Variants in DLGAP2 observed in about 807,000 individuals in gnomAD.
DLGAP2 encodes the protein DLG associated protein 2.
DLGAP2 carries 26 observed loss-of-function variants against 100.3 expected under a neutral mutation model. That is an observed-to-expected ratio of 0.26 (90% confidence interval 0.19 to 0.36). The LOEUF (loss-of-function observed/expected upper bound fraction) is 0.36. Among genes scored for constraint, DLGAP2 ranks in the 10% least tolerant of loss-of-function variants. DLGAP2 has a pLI of 1.00. For missense variants in DLGAP2, 1,858 were observed against 1,453.2 expected, an observed-to-expected ratio of 1.28 and a Z score of -4.53; for synonymous variants, 886 against 630.1, an observed-to-expected ratio of 1.41 and a Z score of -6.08.
rs868511232 is a variant in DLGAP2 at position 850,870 on chromosome 8, G to A, written c.19-57042G>A. ...AAGAATTCAGAGGTAAGTTAGTAAA[G>A]TTTGGTAACAAATTTTTCTCACAAA... On this transcript the variant is annotated intron_variant, in intron 1 of 14. Coordinates refer to ENST00000637795, the MANE Select transcript of DLGAP2 (RefSeq NM_001346810.2). Among the ~76,000 whole-genome samples, 32 of 152,028 alleles carry A rather than the reference G, an allele frequency of 2.1e-4. No homozygotes were observed. In the Middle Eastern group the frequency reaches 0.014, roughly 65 times the overall value.
intron 3 of DLGAP2, chr8:1,300,318 G>C (rs1250657042): frequency 6.6e-6 from 1 of 152,128 alleles, no homozygotes; most frequent in Non-Finnish European, 1.5e-5. Context: ...GGACCCTCCA[G>C]GGGACTGAGG....
chr8:1,456,186 T>A (rs116238895), intron 3 of DLGAP2, among the ~76,000 whole-genome samples: 2,107 of 152,256 alleles, frequency 0.014, 46 homozygotes, highest in African/African-American at 0.048. Context: ...AGCTGCGGAT[T>A]CTGCAGCATT....
At chr8:1,042,181 T>A (rs1481554112) in intron 2 of DLGAP2, among the ~76,000 whole-genome samples, 1 of 152,050 alleles carries the variant, frequency 6.6e-6, no homozygotes, top group Non-Finnish European at 1.5e-5. Flanking sequence ...CACACCTGAG[T>A]GATGCCTTGT....
chr8:1,217,385 C>G (rs1350348537), intron 2 of DLGAP2, among the ~76,000 whole-genome samples: 1 of 152,082 alleles, frequency 6.6e-6, no homozygotes, highest in Non-Finnish European at 1.5e-5. Context: ...GATTCCATGT[C>G]TTTGCTATTG....
chr8:973,254 C>T (rs1364580200), intron 2 of DLGAP2, among the ~76,000 whole-genome samples: 4 of 147,762 alleles, frequency 2.7e-5, no homozygotes, highest in African/African-American at 9.8e-5. Context: ...GGAGGCTGTC[C>T]CCCCACCTCC....
intron 3 of DLGAP2, among the ~76,000 whole-genome samples, chr8:1,272,648 G>A (rs1464896252): frequency 6.6e-6 from 1 of 152,138 alleles, no homozygotes; most frequent in Non-Finnish European, 1.5e-5. Context: ...GTGAAGCGCT[G>A]GACATGGGAG....
intron 3 of DLGAP2, among the ~76,000 whole-genome samples, chr8:1,440,973 A>G (rs1797813160): frequency 6.6e-6 from 1 of 151,976 alleles, no homozygotes; most frequent in Admixed American, 6.6e-5. Context: ...TCTACATGAA[A>G]CCCTCCCAGC....
intron 1 of DLGAP2, among the ~76,000 whole-genome samples, chr8:799,353 AG>A (rs1243721436): frequency 7.9e-5 from 12 of 151,398 alleles, no homozygotes; most frequent in Non-Finnish European, 1.8e-4. Context: ...GTGTGGCGGG[AG>A]GGGGTTGAAT....
chr8:774,451 A>T (rs1821454524), intron 1 of DLGAP2, among the ~76,000 whole-genome samples: 2 of 152,162 alleles, frequency 1.3e-5, no homozygotes, highest in East Asian at 1.9e-4. Flanking sequence ...GGCAATGCCT[A>T]GGTTTTCTTC....
At chr8:947,851 CAT>C (rs1799367910) in intron 2 of DLGAP2, among the ~76,000 whole-genome samples, 1 of 150,406 alleles carries the variant, frequency 6.6e-6, no homozygotes, top group South Asian at 2.1e-4. Context: ...CGTGCCAGCC[CAT>C]GTGTGCCATG....
chr8:1,515,099 C>T (rs538427504), intron 4 of DLGAP2, among the ~76,000 whole-genome samples: 14 of 152,132 alleles, frequency 9.2e-5, no homozygotes, highest in African/African-American at 3.4e-4. Flanking sequence ...CATGTTTGGC[C>T]TGAAATGGGA....
chr8:1,479,727 T>C (rs1799036533), intron 3 of DLGAP2, among the ~76,000 whole-genome samples: 1 of 152,174 alleles, frequency 6.6e-6, no homozygotes, highest in Admixed American at 6.5e-5. Context: ...GATTTCAAGG[T>C]AGTCTTTTCC....
chr8:1,341,136 G>C (rs1296607056), intron 3 of DLGAP2, among the ~76,000 whole-genome samples: 2 of 152,134 alleles, frequency 1.3e-5, no homozygotes, highest in Non-Finnish European at 2.9e-5. Context: ...TTGATAGTAG[G>C]CTTAATACTT....
intron 1 of DLGAP2, among the ~76,000 whole-genome samples, chr8:880,790 G>C (rs754426815): frequency 1.6e-4 from 25 of 152,228 alleles, no homozygotes; most frequent in Non-Finnish European, 3.2e-4. Flanking sequence ...TCCCCCACTT[G>C]CCACTGTAAC....
At chr8:1,119,472 A>G (rs2129047281) in intron 2 of DLGAP2, among the ~76,000 whole-genome samples, 1 of 152,288 alleles carries the variant, frequency 6.6e-6, no homozygotes, top group South Asian at 2.1e-4. Context: ...ATCAGTTCAT[A>G]AATGAGCACA....
chr8:938,961 G>C (rs1415175362), intron 2 of DLGAP2, among the ~76,000 whole-genome samples: 2 of 152,224 alleles, frequency 1.3e-5, no homozygotes, highest in East Asian at 3.9e-4. Flanking sequence ...TAAGGAGGCT[G>C]AGCCTTTCTG....
At chr8:1,175,001 C>T (rs1367853331) in intron 2 of DLGAP2, among the ~76,000 whole-genome samples, 2 of 152,076 alleles carry the variant, frequency 1.3e-5, no homozygotes, top group African/African-American at 4.8e-5. Context: ...TTAGATATTT[C>T]CCTATAAAAG....
At chr8:1,275,901 T>A (rs1353188449) in intron 3 of DLGAP2, among the ~76,000 whole-genome samples, 5 of 83,112 alleles carry the variant, frequency 6.0e-5, no homozygotes. Context: ...AATATATAAA[T>A]ATATATAATA....
intron 1 of DLGAP2, among the ~76,000 whole-genome samples, chr8:775,888 T>C (rs1432753958): frequency 6.8e-6 from 1 of 147,450 alleles, no homozygotes; most frequent in South Asian, 2.2e-4. Flanking sequence ...GAGGATTCCC[T>C]CTTTTTCTAT....
Sources: allele counts gnomAD v4.1 joint callset (sites outside exome capture counted in the v4.1 genomes callset), GRCh38; gene constraint gnomAD v4.1.1; transcripts MANE v1.5; gene names NCBI Gene and HGNC (gene_info 2026-07-23, HGNC 2026-07-21).